The following PPP2R2B variants were observed in gnomAD, a reference collection of about 807,000 sequenced individuals.
PPP2R2B encodes the protein serine/threonine-protein phosphatase 2A 55 kDa regulatory subunit B beta isoform.
In PPP2R2B, 5 loss-of-function variants were observed where a neutral mutation model predicts 46.0. The observed-to-expected ratio is 0.11, with a 90% CI of 0.06 to 0.23. The LOEUF (loss-of-function observed/expected upper bound fraction) is 0.23, where lower values mean the gene tolerates loss of function less well. PPP2R2B is among the 10% of genes least tolerant of loss of function. The pLI, the probability that PPP2R2B is intolerant of heterozygous loss-of-function variation, is 1.00. For synonymous variants in PPP2R2B, 215 were observed against 206.7 expected, an observed-to-expected ratio of 1.04 and a Z score of -0.34; for missense variants, 367 against 575.0, an observed-to-expected ratio of 0.64 and a Z score of 3.70.
chr5:146,850,899 T>A (rs1194995804), intron 2 of PPP2R2B, among the ~76,000 whole-genome samples: 1 of 152,132 alleles, frequency 6.6e-6, no homozygotes, highest in East Asian at 1.9e-4. Flanking sequence ...CCACGCAATC[T>A]ATCCATACTG....
intron 2 of PPP2R2B, among the ~76,000 whole-genome samples, chr5:146,864,625 T>C (rs899265705): frequency 6.6e-6 from 1 of 152,130 alleles, no homozygotes; most frequent in Non-Finnish European, 1.5e-5. Flanking sequence ...TTATTTAATA[T>C]AGGTGGGCAA....
chr5:146,824,949 C>T (rs1758481782), intron 2 of PPP2R2B, among the ~76,000 whole-genome samples: 1 of 152,080 alleles, frequency 6.6e-6, no homozygotes, highest in Non-Finnish European at 1.5e-5. Context: ...TCTTGAACTC[C>T]TGGCCTCAAG....
chr5:146,837,385 A>G (rs1485066318), intron 2 of PPP2R2B, among the ~76,000 whole-genome samples: 1 of 152,222 alleles, frequency 6.6e-6, no homozygotes, highest in Non-Finnish European at 1.5e-5. Flanking sequence ...GATATTTTCA[A>G]CTTAATGATG....
rs555913567 is a variant in PPP2R2B at position 147,047,407 on chromosome 5, C to T, written c.79+8258G>A. ...GGTATCAAAACTTCACTACATACCCCATGAATATGTATAATTATTTGTCAA... is the reference window on the plus strand; with the variant it reads ...GGTATCAAAACTTCACTACATACCCTATGAATATGTATAATTATTTGTCAA... On this transcript the variant is annotated intron_variant, in intron 1 of 8. Transcript: ENST00000336640. 1.2e-4 allele frequency among the ~76,000 whole-genome samples: 18 copies of T among 152,136 alleles called. No homozygotes were observed. In the South Asian group the frequency reaches 3.7e-3, roughly 32 times the overall value.
rs542034894 is a variant in PPP2R2B at position 146,707,475 on chromosome 5, T to A, written c.71-6333A>T. The A allele has an allele frequency of 2.5e-4, 189 of 750,322 alleles. No individual in the cohort carries two copies. In the East Asian group the frequency reaches 4.6e-3, roughly 18 times the overall value. 46.5% of individuals were successfully genotyped at this position (750,322 alleles called of 1,614,324 possible). A position where few individuals can be genotyped will look rare whatever the true frequency, so the allele number is the denominator to read the frequency against. On this transcript the variant is annotated intron_variant, in intron 2 of 9. Coordinates refer to ENST00000394411, the MANE Select transcript of PPP2R2B (RefSeq NM_181675.4). The stretch of plus-strand genomic sequence containing the variant: ...CATAGGCCACCCCGGAAGCTGCTGC[T>A]GCCCACTCAGGAGAAGCTCAAGGAG...
At chr5:146,671,713 G>A (rs1777387227) in intron 5 of PPP2R2B, among the ~76,000 whole-genome samples, 2 of 152,176 alleles carry the variant, frequency 1.3e-5, no homozygotes, top group African/African-American at 4.8e-5. Flanking sequence ...ACATCCCAGA[G>A]AGCACAAAAC....
intron 7 of PPP2R2B, among the ~76,000 whole-genome samples, chr5:146,629,357 C>T (rs1208102164): frequency 6.6e-6 from 1 of 152,076 alleles, no homozygotes; most frequent in African/African-American, 2.4e-5. Context: ...CTCCCTTTTC[C>T]ATCACCTCTT....
intron 1 of PPP2R2B, among the ~76,000 whole-genome samples, chr5:147,050,972 T>C (rs1756785555): frequency 6.6e-6 from 1 of 151,934 alleles, no homozygotes; most frequent in Non-Finnish European, 1.5e-5. Flanking sequence ...ACCCTCCCAT[T>C]GAGTCCTTCA....
At chr5:147,026,452 A>G (rs1755530353) in intron 1 of PPP2R2B, among the ~76,000 whole-genome samples, 1 of 152,082 alleles carries the variant, frequency 6.6e-6, no homozygotes, top group East Asian at 1.9e-4. Context: ...AGGGAAAGGG[A>G]TGGATTACAA....
chr5:146,795,922 C>T (rs1344931441), intron 2 of PPP2R2B, among the ~76,000 whole-genome samples: 1 of 152,142 alleles, frequency 6.6e-6, no homozygotes. Context: ...TCATTAGTGA[C>T]TATCATTTTT....
intron 1 of PPP2R2B, among the ~76,000 whole-genome samples, chr5:146,951,107 C>T (rs1764638034): frequency 6.6e-6 from 1 of 151,946 alleles, no homozygotes; most frequent in Non-Finnish European, 1.5e-5. Flanking sequence ...TTCAAATTCA[C>T]TCCTGGAGAT....
intron 2 of PPP2R2B, among the ~76,000 whole-genome samples, chr5:146,738,612 G>A (rs1752682724): frequency 6.6e-6 from 1 of 152,092 alleles, no homozygotes; most frequent in Non-Finnish European, 1.5e-5. Flanking sequence ...GCAAATGACG[G>A]TTGAACAACT....
chr5:146,751,289 G>C (rs145676172), intron 2 of PPP2R2B: 1 of 152,228 alleles, frequency 6.6e-6, no homozygotes, highest in Admixed American at 6.5e-5. Flanking sequence ...GAACATAGCG[G>C]GGAAGAGGTC....
In PPP2R2B at chr5:146,699,994, G is replaced by A. The variant is rs115257721; in HGVS notation, c.168+1051C>T. 4.0e-3 allele frequency among the ~76,000 whole-genome samples: 603 copies of A among 152,238 alleles called. 4 individuals are homozygous for A. The highest frequency in any genetic ancestry group is 0.014 in the African/African-American group (569 of 41,544). On this transcript the variant is annotated intron_variant, in intron 3 of 9. Transcript: ENST00000394411. ...GAATAGGCTGGATGCCTGATTTAAT[G>A]CTGAACACTTGAATTTATATGGAAC...
intron 7 of PPP2R2B, among the ~76,000 whole-genome samples, chr5:146,628,478 C>T (rs761800311): frequency 2.0e-5 from 3 of 152,186 alleles, no homozygotes; most frequent in Non-Finnish European, 2.9e-5. Context: ...TGCTGCAGGG[C>T]AGCCCCATCG....
intron 1 of PPP2R2B, among the ~76,000 whole-genome samples, chr5:146,945,098 C>A (rs1323292429): frequency 2.0e-5 from 3 of 152,176 alleles, no homozygotes; most frequent in African/African-American, 7.2e-5. Context: ...ACATACAGCA[C>A]TTTAATGACC....
At chr5:146,971,389 C>T (rs954980800) in intron 1 of PPP2R2B, among the ~76,000 whole-genome samples, 3 of 152,166 alleles carry the variant, frequency 2.0e-5, no homozygotes, top group African/African-American at 7.2e-5. Context: ...TGGTAACGTA[C>T]TATCCACTCT....
chr5:146,749,606 C>CTTTTTT (rs1045634394), intron 2 of PPP2R2B, among the ~76,000 whole-genome samples: 8 of 103,848 alleles, frequency 7.7e-5, no homozygotes, highest in African/African-American at 1.1e-4. Flanking sequence ...CTTTTCTTTT[C>CTTTTTT]TTTTTTTTTT....
At chr5:146,782,979 C>G (rs1755627240) in intron 2 of PPP2R2B, among the ~76,000 whole-genome samples, 2 of 152,070 alleles carry the variant, frequency 1.3e-5, no homozygotes, top group South Asian at 4.1e-4. Context: ...CTTTAACCTG[C>G]TATCACATAT....
Sources: gnomAD v4.1 joint callset for allele counts (sites outside exome capture counted in the v4.1 genomes callset) on GRCh38, gnomAD v4.1.1 for gene constraint, MANE v1.5 for transcripts, NCBI Gene and HGNC (gene_info 2026-07-23, HGNC 2026-07-21) for gene names.